Variants in KALRN observed in about 807,000 individuals in gnomAD.
The protein encoded by KALRN is kalirin.
In KALRN, 70 loss-of-function variants were observed where a neutral mutation model predicts 353.7. The ratio of observed to expected loss-of-function variants is 0.20; its 90% CI spans 0.16 to 0.24. The LOEUF is 0.24. KALRN is among the 10% of genes least tolerant of loss of function. KALRN has a pLI of 1.00. For synonymous variants in KALRN, 1,391 were observed against 1,434.8 expected, an observed-to-expected ratio of 0.97 and a Z score of 0.69; for missense variants, 2,791 against 3,756.7, an observed-to-expected ratio of 0.74 and a Z score of 6.72.
chr3:124,519,745 C>G, intron 33 of KALRN: 11 of 985,392 alleles, frequency 1.1e-5, no homozygotes, highest in Non-Finnish European at 1.2e-5. Flanking sequence ...GAATTTAAAT[C>G]CAATGGAGAA....
rs1334012398 is a variant in KALRN, at chr3:124,234,857, C to A, written c.177C>A (p.Ile59=). ...SGGRDKRGGP[I]LTFPARSNHD... ...GTCGTGATAAGCGAGGCGGACCCAT[C>A]CTGACCTTCCCTGCTCGCAGCAATC... is the stretch of plus-strand genomic sequence containing the variant. Residue 59 remains isoleucine, a synonymous_variant, in exon 3 of 60, where the codon ATC becomes ATA. Coordinates refer to ENST00000682506, the MANE Select transcript of KALRN (RefSeq NM_001388419.1). 6.2e-7 allele frequency: 1 copy of A among 1,607,138 alleles called. No homozygotes were observed. Among genetic ancestry groups the A allele is most frequent in the African/African-American group, 1.3e-5 (1 of 74,904 alleles).
intron 51 of KALRN, among the ~76,000 whole-genome samples, chr3:124,683,091 AG>A (rs1267727745): frequency 1.3e-5 from 2 of 151,856 alleles, no homozygotes; most frequent in East Asian, 3.9e-4. Context: ...TGGGGGTGAA[AG>A]GGGGGCATCA....
chr3:124,231,096 A>G lies in KALRN; in HGVS notation c.148+3032A>G, dbSNP rs1466317730. 4.6e-5 allele frequency among the ~76,000 whole-genome samples: 7 copies of G among 152,338 alleles called. No homozygotes were observed. The East Asian group carries it at 1.4e-3, about 29-fold the overall frequency. On this transcript the variant is annotated intron_variant, in intron 2 of 59. Coordinates refer to ENST00000682506, the MANE Select transcript of KALRN (RefSeq NM_001388419.1). ...TGCTAGCGCCCAGCCTTGGCCAGGC[A>G]AAAGGAAAGCCATGCTGCCATGGGA...
intron 13 of KALRN, among the ~76,000 whole-genome samples, chr3:124,403,172 G>C (rs767061209): frequency 1.3e-5 from 2 of 152,268 alleles, no homozygotes; most frequent in African/African-American, 4.8e-5. Context: ...ACTACACAAA[G>C]CCATCTGCCA....
At chr3:124,438,175 T>C (rs1238796193) in intron 17 of KALRN, among the ~76,000 whole-genome samples, 1 of 152,178 alleles carries the variant, frequency 6.6e-6, no homozygotes, top group African/African-American at 2.4e-5. Context: ...CCAGGCTGAA[T>C]TTCCCTCCAA....
chr3:124,167,384 T>G (rs954226712), intron 1 of KALRN, among the ~76,000 whole-genome samples: 2 of 152,196 alleles, frequency 1.3e-5, no homozygotes, highest in Non-Finnish European at 2.9e-5. Context: ...AATGTTTACT[T>G]GTATGGAAGA....
intron 10 of KALRN, among the ~76,000 whole-genome samples, chr3:124,365,566 G>A (rs1248085137): frequency 6.6e-6 from 1 of 152,176 alleles, no homozygotes; most frequent in East Asian, 1.9e-4. Flanking sequence ...CATGCTGATA[G>A]CCCAATCCTA....
At chr3:124,655,541 G>A in intron 38 of KALRN, 60 bp from the exon 39 acceptor site, 1 of 1,375,478 alleles carries the variant, frequency 7.3e-7, no homozygotes. Flanking sequence ...GTGAACTTAA[G>A]TGAAGATTTT....
At chr3:124,714,412 G>T (rs1488941099) in intron 58 of KALRN, among the ~76,000 whole-genome samples, 1 of 152,136 alleles carries the variant, frequency 6.6e-6, no homozygotes, top group East Asian at 1.9e-4. Context: ...TGCTGATATT[G>T]GGCTACTGTA....
At chr3:124,650,743 G>A (rs968837430) in intron 37 of KALRN, 65 bp from the exon 38 acceptor site, 3 of 1,512,502 alleles carry the variant, frequency 2.0e-6, no homozygotes, top group Non-Finnish European at 2.7e-6. Context: ...AGGCTGGGAG[G>A]ACACAGGGAT....
At chr3:124,608,908 C>G (rs912719087) in intron 34 of KALRN, among the ~76,000 whole-genome samples, 1 of 152,154 alleles carries the variant, frequency 6.6e-6, no homozygotes, top group Non-Finnish European at 1.5e-5. Flanking sequence ...TGGCCCAGTG[C>G]TGCTTTTACT....
intron 3 of KALRN, among the ~76,000 whole-genome samples, chr3:124,247,415 T>C (rs993435587): frequency 1.3e-5 from 2 of 152,104 alleles, no homozygotes; most frequent in African/African-American, 2.4e-5. Flanking sequence ...TAGTAAATGA[T>C]AGATAAAATA....
chr3:124,642,891 A>T (rs1578589081), intron 37 of KALRN, among the ~76,000 whole-genome samples: 1 of 143,144 alleles, frequency 7.0e-6, no homozygotes, highest in East Asian at 2.1e-4. Flanking sequence ...ATCATGGCTC[A>T]CTGCAACCTC....
rs770680654 is a variant in KALRN, at chr3:124,334,328, G to A, written c.1480G>A (p.Glu494Lys). 6 of 1,614,094 alleles carry A rather than the reference G, an allele frequency of 3.7e-6. No homozygotes were observed. Among genetic ancestry groups the A allele is most frequent in the South Asian group, 2.2e-5 (2 of 91,084 alleles). ...GCGGCCCCTGAGCCCTGGGAACTCC[G>A]AATCCCTCACGGCCACAGCCAACTA... ...LQRPLSPGNS[E>K]SLTATANYSK... Residue 494 changes from glutamate (E) to lysine (K), a missense_variant, in exon 9 of 60, where the codon GAA becomes AAA. Glu to Lys is a moderately conservative substitution (Grantham distance 56). Coordinates refer to ENST00000682506, the MANE Select transcript of KALRN (RefSeq NM_001388419.1). The surrounding 1 kb of genome is among the most constrained non-coding windows in gnomAD (Gnocchi z 4.2).
At chr3:124,506,710 T>G (rs2108756754) in intron 33 of KALRN, among the ~76,000 whole-genome samples, 1 of 152,352 alleles carries the variant, frequency 6.6e-6, no homozygotes. Context: ...TTTTTTTTAC[T>G]ACATCTGTAC....
At chr3:124,082,297 T>TC (rs1020372243) in intron 1 of KALRN, 3 of 470,972 alleles carry the variant, frequency 6.4e-6, no homozygotes, top group African/African-American at 4.0e-5. Flanking sequence ...TTTGATGTAA[T>TC]CTCCAAGGGA....
At chr3:124,269,319 A>G (rs2073903405) in intron 5 of KALRN, 64 bp downstream of exon 5, 1 of 1,478,754 alleles carries the variant, frequency 6.8e-7, no homozygotes, top group East Asian at 2.3e-5. Context: ...TTGCTCATCC[A>G]ACTTTCTGAT....
At chr3:124,380,175 C>G (rs2087147898) in intron 10 of KALRN, among the ~76,000 whole-genome samples, 1 of 151,896 alleles carries the variant, frequency 6.6e-6, no homozygotes, top group Non-Finnish European at 1.5e-5. Context: ...TATTCACTGT[C>G]TCTCCCACCC....
At chr3:124,201,697 C>G (rs1209245151) in intron 1 of KALRN, among the ~76,000 whole-genome samples, 1 of 152,090 alleles carries the variant, frequency 6.6e-6, no homozygotes, top group Non-Finnish European at 1.5e-5. Context: ...TAGACCTCCC[C>G]CTGGGTGCTC....
Sources: gnomAD v4.1 joint callset for allele counts (sites outside exome capture counted in the v4.1 genomes callset) on GRCh38, gnomAD v4.1.1 for gene constraint, Gnocchi (gnomAD v3.1) non-coding constraint, MANE v1.5 for transcripts, NCBI Gene and HGNC (gene_info 2026-07-23, HGNC 2026-07-21) for gene names.